STK32B: variants seen among roughly 807,000 people sequenced by gnomAD.
STK32B encodes the protein serine/threonine kinase 32B.
Under a neutral mutation model 52.6 loss-of-function variants are expected in STK32B, and 43 were observed. That is an observed-to-expected ratio of 0.82 (90% confidence interval 0.64 to 1.05). STK32B has a LOEUF of 1.05. Ranked by LOEUF, STK32B falls within the 50% of genes least tolerant of loss-of-function variation. The probability of loss-of-function intolerance (pLI) is 0.00; values close to 1 mark genes in which losing one functional copy is unlikely to be tolerated. For missense variants in STK32B, 621 were observed against 534.6 expected (o/e 1.16, Z -1.59); for synonymous variants, 238 against 204.3 (o/e 1.17, Z -1.41).
intron 3 of STK32B, among the ~76,000 whole-genome samples, chr4:5,327,710 T>C (rs74284715): frequency 0.014 from 2,083 of 152,260 alleles, 30 homozygotes; most frequent in East Asian, 0.074. Flanking sequence ...CCTGGTATTT[T>C]CAAAATGGTA....
chr4:5,221,176 C>T (rs1364556236), intron 3 of STK32B, among the ~76,000 whole-genome samples: 1 of 152,146 alleles, frequency 6.6e-6, no homozygotes, highest in Non-Finnish European at 1.5e-5. Context: ...TAAGAATCTG[C>T]TCTATAGATC....
chr4:5,257,369 G>A (rs1726392649), intron 3 of STK32B, among the ~76,000 whole-genome samples: 1 of 152,198 alleles, frequency 6.6e-6, no homozygotes, highest in South Asian at 2.1e-4. Context: ...ATGAGTAAGT[G>A]AATGAGTGAA....
At chr4:5,364,542 T>C (rs970137553) in intron 4 of STK32B, among the ~76,000 whole-genome samples, 1 of 152,146 alleles carries the variant, frequency 6.6e-6, no homozygotes, top group Admixed American at 6.5e-5. Context: ...AAGACTCTGA[T>C]TGGTTATTTT....
At chr4:5,239,163 G>A (rs562155880) in intron 3 of STK32B, among the ~76,000 whole-genome samples, 67 of 152,252 alleles carry the variant, frequency 4.4e-4, no homozygotes, top group African/African-American at 1.5e-3. Context: ...TCAAGAGGAG[G>A]AGAAGGGGGA....
rs1716194259 is a variant in STK32B, at chr4:5,453,465, C to A, written c.667-3342C>A. 6.6e-6 allele frequency among the ~76,000 whole-genome samples: 1 copy of A among 152,180 alleles called. No homozygotes were observed. The highest frequency in any genetic ancestry group is 1.5e-5 in the Non-Finnish European group (1 of 68,048). On this transcript the variant is annotated intron_variant, in intron 7 of 11. Transcript: ENST00000282908. The surrounding 1 kb of genome is among the most constrained non-coding windows in gnomAD (Gnocchi z 4.0). The stretch of plus-strand genomic sequence containing the variant: ...GGAAAGTCTCTTTTCATCTCCCAGC[C>A]TCAGTTTCCTGACGTTTGAAATGAG...
intron 3 of STK32B, among the ~76,000 whole-genome samples, chr4:5,300,005 G>A (rs66529315): frequency 0.14 from 21,358 of 151,992 alleles, 3,043 homozygotes; most frequent in African/African-American, 0.37. Context: ...GCTACAGGCC[G>A]AGATCTCTGA....
chr4:5,201,427 G>T (rs1722134046), intron 3 of STK32B, among the ~76,000 whole-genome samples: 2 of 152,134 alleles, frequency 1.3e-5, no homozygotes, highest in Non-Finnish European at 2.9e-5. Flanking sequence ...TCAGCGTCTT[G>T]CTTCAGGAAA....
intron 2 of STK32B, among the ~76,000 whole-genome samples, chr4:5,149,317 G>C (rs112001413): frequency 9.9e-5 from 15 of 151,740 alleles, no homozygotes; most frequent in Admixed American, 8.5e-4. Flanking sequence ...TAGTTGTATT[G>C]TTTAGTTCAT....
At chr4:5,478,348 A>G (rs1718396879) in intron 11 of STK32B, among the ~76,000 whole-genome samples, 3 of 152,304 alleles carry the variant, frequency 2.0e-5, no homozygotes, top group Middle Eastern at 6.8e-3. Flanking sequence ...CGATGGTAAG[A>G]GAATCCCTTG....
Position 5,442,895 on chromosome 4 carries a change from T to G in STK32B, c.563-3778T>G, listed in dbSNP as rs1056352386. On this transcript the variant is annotated intron_variant, in intron 6 of 11. Transcript: ENST00000282908. ...GTTTGGCTGGATATGAAATTCTGGGTTGAAAATTCTTTTCTTTAAGAATGT... is the reference window on the plus strand; with the variant it reads ...GTTTGGCTGGATATGAAATTCTGGGGTGAAAATTCTTTTCTTTAAGAATGT... Among the ~76,000 whole-genome samples, 284 of 152,094 alleles carry G rather than the reference T, an allele frequency of 1.9e-3. 1 individual carries two copies. Among genetic ancestry groups the G allele is most frequent in the African/African-American group, 6.4e-3 (264 of 41,518 alleles).
At chr4:5,491,565 A>G (rs2108726305) in intron 11 of STK32B, among the ~76,000 whole-genome samples, 1 of 151,894 alleles carries the variant, frequency 6.6e-6, no homozygotes, top group East Asian at 1.9e-4. Flanking sequence ...TTTGCTGTGC[A>G]GAAGCTCTTT....
chr4:5,041,061 T>C, the STK32B span, among the ~76,000 whole-genome samples: 38 of 152,286 alleles, frequency 2.5e-4, no homozygotes, highest in African/African-American at 7.7e-4. Context: ...AGTAAGTCAT[T>C]GTTATCACTT....
At chr4:5,303,986 A>G (rs1050120406) in intron 3 of STK32B, among the ~76,000 whole-genome samples, 6 of 151,962 alleles carry the variant, frequency 3.9e-5, no homozygotes, top group Non-Finnish European at 7.4e-5. Flanking sequence ...TCAGTTGGCT[A>G]TAAGTATTTA....
chr4:5,244,207 C>T (rs201585146), intron 3 of STK32B, among the ~76,000 whole-genome samples: 1 of 152,148 alleles, frequency 6.6e-6, no homozygotes. Context: ...TCCATCTGGT[C>T]CTGGACTTTT....
At chr4:5,390,704 A>G (rs947764709) in intron 4 of STK32B, among the ~76,000 whole-genome samples, 2 of 152,062 alleles carry the variant, frequency 1.3e-5, no homozygotes, top group Non-Finnish European at 2.9e-5. Context: ...GGAGGTCTTT[A>G]AGTAGCACAG....
At chr4:5,262,461 T>TA (rs35348662) in intron 3 of STK32B, among the ~76,000 whole-genome samples, 20,097 of 140,598 alleles carry the variant, frequency 0.14, 3,261 homozygotes, top group African/African-American at 0.4. Flanking sequence ...CCGTCTCTAC[T>TA]AAAAAAAAAA....
chr4:5,450,533 G>T lies in STK32B; in HGVS notation c.666+3757G>T, dbSNP rs1715893534. ...GAAATTATTTTCCCCTTACTCAGTC[G>T]AAAGCTGCTTCCTTATAATAGAGAA... On this transcript the variant is annotated intron_variant, in intron 7 of 11. Coordinates refer to ENST00000282908, the MANE Select transcript of STK32B (RefSeq NM_018401.3). Among the ~76,000 whole-genome samples, 3 of 152,262 alleles carry T rather than the reference G, an allele frequency of 2.0e-5. No individual in the cohort carries two copies. The South Asian group carries it at 6.2e-4, about 32-fold the overall frequency.
At chr4:5,345,626 A>C (rs1029396830) in intron 4 of STK32B, among the ~76,000 whole-genome samples, 1 of 152,216 alleles carries the variant, frequency 6.6e-6, no homozygotes, top group African/African-American at 2.4e-5. Flanking sequence ...TTTACAGGTG[A>C]GACCACAGTG....
At position 5,283,834 on chromosome 4, in the gene STK32B, TTTTG is replaced by T. The variant is rs927950555; in HGVS notation, c.261-47370_261-47367del. Among the ~76,000 whole-genome samples the T allele has an allele frequency of 2.4e-4, 37 of 152,262 alleles. No homozygotes were observed. The South Asian group carries it at 2.5e-3, about 10-fold the overall frequency. ...ACCTGCAGAAATTGCTAAAGGGAGT[TTTTG>T]TTTGTTTGTTTGTTTTTTAAGCTGA... On this transcript the variant is annotated intron_variant, in intron 3 of 11. Coordinates refer to ENST00000282908, the MANE Select transcript of STK32B (RefSeq NM_018401.3).
Sources: allele counts gnomAD v4.1 joint callset (sites outside exome capture counted in the v4.1 genomes callset), GRCh38; gene constraint gnomAD v4.1.1; non-coding constraint Gnocchi (gnomAD v3.1); transcripts MANE v1.5; gene names NCBI Gene and HGNC (gene_info 2026-07-23, HGNC 2026-07-21).